Variants in ZBTB20 observed in about 807,000 individuals in gnomAD.
ZBTB20 encodes zinc finger and BTB domain containing 20.
A neutral mutation model predicts 56.9 loss-of-function variants in ZBTB20; 9 were observed. The ratio of observed to expected loss-of-function variants is 0.16; its 90% CI spans 0.10 to 0.28. The LOEUF (loss-of-function observed/expected upper bound fraction) is 0.28, where lower values mean the gene tolerates loss of function less well. Among genes scored for constraint, ZBTB20 ranks in the 10% least tolerant of loss-of-function variants. The probability of loss-of-function intolerance (pLI) is 1.00; values close to 1 mark genes in which losing one functional copy is unlikely to be tolerated. For synonymous variants in ZBTB20, 417 were observed against 420.7 expected (o/e 0.99, Z 0.11); for missense variants, 655 against 1,003.0 (o/e 0.65, Z 4.69).
At chr3:114,418,204 G>A (rs1323613317) in intron 7 of ZBTB20, among the ~76,000 whole-genome samples, 2 of 151,982 alleles carry the variant, frequency 1.3e-5, no homozygotes, top group African/African-American at 4.8e-5. Flanking sequence ...CAATTCTTTA[G>A]GTGTTATCTG....
chr3:114,929,021 G>T (rs2076258993), intron 3 of ZBTB20, among the ~76,000 whole-genome samples: 1 of 152,192 alleles, frequency 6.6e-6, no homozygotes, highest in African/African-American at 2.4e-5. Context: ...ATCTGCTTTA[G>T]TGAGTTTATA....
At chr3:114,692,643 CA>C (rs1165388724) in intron 6 of ZBTB20, among the ~76,000 whole-genome samples, 2 of 152,110 alleles carry the variant, frequency 1.3e-5, no homozygotes, top group African/African-American at 4.8e-5. Context: ...GTACAGTTGC[CA>C]GTGCATTTCA....
intron 3 of ZBTB20, among the ~76,000 whole-genome samples, chr3:114,938,351 C>G (rs1035570568): frequency 6.9e-6 from 1 of 145,884 alleles, no homozygotes; most frequent in Non-Finnish European, 1.5e-5. Context: ...TTTGCCCATG[C>G]CTATGTCCTG....
chr3:114,470,269 A>G (rs1042922502), intron 7 of ZBTB20, among the ~76,000 whole-genome samples: 1 of 152,184 alleles, frequency 6.6e-6, no homozygotes, highest in Non-Finnish European at 1.5e-5. Flanking sequence ...GAATCCTTTG[A>G]AAGTTTCTGT....
intron 4 of ZBTB20, among the ~76,000 whole-genome samples, chr3:114,884,434 A>G (rs2076529443): frequency 6.6e-6 from 1 of 152,206 alleles, no homozygotes; most frequent in Admixed American, 6.5e-5. Context: ...ATTTTTTCAC[A>G]TAGTATCAGC....
chr3:115,081,100 T>C lies in ZBTB20; in HGVS notation c.-702-9686A>G, dbSNP rs191947479. 2.1e-3 allele frequency among the ~76,000 whole-genome samples: 321 copies of C among 152,262 alleles called. 2 individuals carry two copies. Among genetic ancestry groups the C allele is most frequent in the South Asian group, 0.012 (58 of 4,828 alleles). ...GCACTGGGAAAACTGTTTCTAATTA[T>C]GCTTCAATGTGATAATATCCAAGAA... On this transcript the variant is annotated intron_variant, in intron 1 of 11. Transcript: ENST00000675478.
rs552904515 is a variant in ZBTB20, at chr3:114,796,251, G to C, written c.-343+4850C>G. 3.3e-5 allele frequency among the ~76,000 whole-genome samples: 5 copies of C among 152,018 alleles called. No individual in the cohort carries two copies. The South Asian group carries it at 1.0e-3, about 31-fold the overall frequency. On this transcript the variant is annotated intron_variant, in intron 5 of 11. Coordinates refer to ENST00000675478, the MANE Select transcript of ZBTB20 (RefSeq NM_001348800.3). ...ATTGGAAATGAACTTGGTAGGATGG[G>C]TTGGATTTGCATATGAAAAAATTGA... is the stretch of plus-strand genomic sequence containing the variant.
intron 7 of ZBTB20, among the ~76,000 whole-genome samples, chr3:114,466,275 AC>A (rs2092548610): frequency 6.6e-6 from 1 of 152,098 alleles, no homozygotes; most frequent in Non-Finnish European, 1.5e-5. Flanking sequence ...AGCACTTCAC[AC>A]CCCGTTACTT....
rs537279003 is a variant in ZBTB20, at chr3:114,526,538, C to T, written c.-294-26147G>A. 2.6e-5 allele frequency among the ~76,000 whole-genome samples: 4 copies of T among 152,108 alleles called. No homozygotes were observed. In the East Asian group the frequency reaches 7.7e-4, roughly 29 times the overall value. ...ATAAATAATAAATAATAATAATAGC[C>T]CACTGTGCATTTTTACATTCCACTC... On this transcript the variant is annotated intron_variant, in intron 6 of 11. Transcript: ENST00000675478.
rs775358305 is a variant in ZBTB20, at chr3:114,843,340, A to G, written c.-416-42166T>C. ...CTGAGTCCAGATTTGAAGGCAAGGA[A>G]AGAACTATAAGTACCTTGTCTTATT... On this transcript the variant is annotated intron_variant, in intron 4 of 11. Transcript: ENST00000675478. Among the ~76,000 whole-genome samples, 39 of 152,154 alleles carry G rather than the reference A, an allele frequency of 2.6e-4. 1 individual carries two copies. The highest frequency in any genetic ancestry group is 4.7e-4 in the Non-Finnish European group (32 of 68,022).
At chr3:114,732,247 A>T (rs1274133188) in intron 5 of ZBTB20, among the ~76,000 whole-genome samples, 1 of 152,140 alleles carries the variant, frequency 6.6e-6, no homozygotes, top group East Asian at 1.9e-4. Flanking sequence ...TCAAACATGG[A>T]TGGTAGTAAT....
chr3:114,634,060 T>C (rs941922996), intron 6 of ZBTB20, among the ~76,000 whole-genome samples: 2 of 152,188 alleles, frequency 1.3e-5, no homozygotes, highest in African/African-American at 4.8e-5. Flanking sequence ...TTCGTTAACA[T>C]ATGTTGAATT....
chr3:114,820,663 T>C (rs931175477), intron 4 of ZBTB20, among the ~76,000 whole-genome samples: 1 of 152,142 alleles, frequency 6.6e-6, no homozygotes, highest in African/African-American at 2.4e-5. Flanking sequence ...CACTTTCATA[T>C]ACATGTAGAA....
intron 5 of ZBTB20, among the ~76,000 whole-genome samples, chr3:114,723,164 T>A (rs1223164168): frequency 6.6e-6 from 1 of 152,170 alleles, no homozygotes; most frequent in Non-Finnish European, 1.5e-5. Context: ...TTTACTTTTT[T>A]TTTTGATAAG....
At chr3:115,118,703 A>AATTT (rs2084091469) in intron 1 of ZBTB20, among the ~76,000 whole-genome samples, 1 of 82,174 alleles carries the variant, frequency 1.2e-5, no homozygotes, top group Non-Finnish European at 2.2e-5. Context: ...CCTGGTACAA[A>AATTT]TTTTTTTTTT....
intron 3 of ZBTB20, among the ~76,000 whole-genome samples, chr3:114,902,280 C>T (rs1020193854): frequency 6.6e-6 from 1 of 152,172 alleles, no homozygotes; most frequent in Non-Finnish European, 1.5e-5. Context: ...CTAGCACAGC[C>T]TAACTTATTC....
chr3:114,873,115 A>G (rs2076068023), intron 4 of ZBTB20: 1 of 152,178 alleles, frequency 6.6e-6, no homozygotes, highest in Admixed American at 6.6e-5. Flanking sequence ...AGAAGAAATG[A>G]AATACAAAAG....
chr3:114,535,233 T>C (rs1175284728), intron 6 of ZBTB20, among the ~76,000 whole-genome samples: 1 of 151,862 alleles, frequency 6.6e-6, no homozygotes, highest in Non-Finnish European at 1.5e-5. Flanking sequence ...ACAAAGCAGA[T>C]AGACCGCTAG....
chr3:114,350,857 G>C lies in ZBTB20; in HGVS notation c.1221C>G (p.Thr407=). The change falls in exon 11 of 12, where the codon ACC becomes ACG. Residue 407 remains threonine (T), a synonymous_variant. Transcript: ENST00000675478. ...GGGCTTCTGCAGCCTGCTCGGGTTG[G>C]GTGGGTTCAGCCTGGCTGTCCCGCG... ...GAARDSQAEP[T]QPEQAAEAPA... The C allele has an allele frequency of 1.9e-6, 3 of 1,611,034 alleles. No individual in the cohort carries two copies. The highest frequency in any genetic ancestry group is 2.5e-6 in the Non-Finnish European group (3 of 1,179,996).
Sources: allele counts gnomAD v4.1 joint callset (sites outside exome capture counted in the v4.1 genomes callset), GRCh38; gene constraint gnomAD v4.1.1; transcripts MANE v1.5; gene names NCBI Gene and HGNC (gene_info 2026-07-23, HGNC 2026-07-21).